Variants in MICU1 observed in about 807,000 individuals in gnomAD.
MICU1 encodes the protein calcium uptake protein 1, mitochondrial.
In MICU1, 45 loss-of-function variants were observed where a neutral mutation model predicts 56.8. The ratio of observed to expected loss-of-function variants is 0.79; its 90% CI spans 0.62 to 1.02. The LOEUF (loss-of-function observed/expected upper bound fraction) is 1.02. Among genes scored for constraint, MICU1 ranks in the 50% least tolerant of loss-of-function variants. The pLI is 0.00. For missense variants in MICU1, 504 were observed against 587.1 expected, an observed-to-expected ratio of 0.86 and a Z score of 1.46; for synonymous variants, 186 against 195.1, an observed-to-expected ratio of 0.95 and a Z score of 0.39.
At chr10:72,497,213 C>A (rs1291786837) in intron 6 of MICU1, among the ~76,000 whole-genome samples, 1 of 151,786 alleles carries the variant, frequency 6.6e-6, no homozygotes, top group Non-Finnish European at 1.5e-5. Flanking sequence ...GCACATGCCA[C>A]TGCATCCGGC....
chr10:72,412,380 C>G (rs1344343852), intron 9 of MICU1, among the ~76,000 whole-genome samples: 1 of 152,192 alleles, frequency 6.6e-6, no homozygotes, highest in Non-Finnish European at 1.5e-5. Flanking sequence ...GTTCAACAAA[C>G]TGGTTATCTA....
chr10:72,553,101 A>G (rs1337628281), intron 3 of MICU1, among the ~76,000 whole-genome samples: 1 of 152,234 alleles, frequency 6.6e-6, no homozygotes, highest in East Asian at 1.9e-4. Flanking sequence ...AAGATTGAGC[A>G]TGTGGCAAAC....
intron 10 of MICU1, among the ~76,000 whole-genome samples, chr10:72,380,895 T>C (rs1862680893): frequency 2.0e-5 from 3 of 152,200 alleles, no homozygotes; most frequent in South Asian, 2.1e-4. Flanking sequence ...GAATGAATAA[T>C]TGAATAACTG....
intron 7 of MICU1, 135 bp from the exon 8 acceptor site, chr10:72,475,432 C>CG: frequency 1.3e-6 from 1 of 762,024 alleles, no homozygotes; most frequent in Non-Finnish European, 1.9e-6. Context: ...ATGCTTACAA[C>CG]AATTTTTTTT....
chr10:72,469,162 A>G (rs1865879362), intron 8 of MICU1, among the ~76,000 whole-genome samples: 1 of 152,244 alleles, frequency 6.6e-6, no homozygotes, highest in Admixed American at 6.5e-5. Context: ...TAGGTACTCA[A>G]TAAATGATCA....
At chr10:72,516,348 G>A (rs1014126636) in intron 5 of MICU1, among the ~76,000 whole-genome samples, 1 of 152,044 alleles carries the variant, frequency 6.6e-6, no homozygotes, top group Non-Finnish European at 1.5e-5. Flanking sequence ...TTTGTCAGAT[G>A]GATACATTGC....
intron 10 of MICU1, among the ~76,000 whole-genome samples, chr10:72,389,718 C>T (rs1048634858): frequency 1.3e-5 from 2 of 152,174 alleles, no homozygotes; most frequent in Non-Finnish European, 2.9e-5. Context: ...AGGTGCTTTA[C>T]AGTGGAGCTT....
intron 1 of MICU1, among the ~76,000 whole-genome samples, chr10:72,597,993 T>G (rs889758939): frequency 3.9e-5 from 6 of 152,208 alleles, no homozygotes; most frequent in African/African-American, 1.4e-4. Flanking sequence ...TCTGTAGTTA[T>G]GTACCAATCT....
chr10:72,471,904 A>C (rs1309046774), intron 8 of MICU1, among the ~76,000 whole-genome samples: 1 of 148,080 alleles, frequency 6.8e-6, no homozygotes, highest in Non-Finnish European at 1.5e-5. Flanking sequence ...AAGAATGCAA[A>C]CTTCACAAAG....
At chr10:72,502,572 A>T (rs778324030) in intron 6 of MICU1, among the ~76,000 whole-genome samples, 10 of 152,204 alleles carry the variant, frequency 6.6e-5, no homozygotes, top group Admixed American at 1.3e-4. Context: ...TATCCATCAG[A>T]GTAACAGATG....
intron 1 of MICU1, among the ~76,000 whole-genome samples, chr10:72,575,069 TCTCA>T (rs1407412862): frequency 1.3e-5 from 2 of 152,242 alleles, no homozygotes; most frequent in Non-Finnish European, 2.9e-5. Flanking sequence ...TTTCTCTCTC[TCTCA>T]ATTTTTACGG....
chr10:72,477,972 G>A (rs984631521), intron 6 of MICU1, among the ~76,000 whole-genome samples: 21 of 151,826 alleles, frequency 1.4e-4, no homozygotes, highest in African/African-American at 5.1e-4. Context: ...GGGTTGAAGT[G>A]ATGCTCATGC....
intron 6 of MICU1, among the ~76,000 whole-genome samples, chr10:72,506,705 T>C (rs1564908527): frequency 6.6e-6 from 1 of 152,230 alleles, no homozygotes; most frequent in Non-Finnish European, 1.5e-5. Flanking sequence ...GGGTTTGATA[T>C]TACTGCCCCC....
intron 1 of MICU1, among the ~76,000 whole-genome samples, chr10:72,578,354 T>G (rs1176084075): frequency 6.6e-6 from 1 of 151,720 alleles, no homozygotes; most frequent in East Asian, 1.9e-4. Flanking sequence ...GCCTCTGGGG[T>G]TCAAGTGATT....
chr10:72,551,063 C>G, intron 4 of MICU1, 116 bp downstream of exon 4: 1 of 999,584 alleles, frequency 1.0e-6, no homozygotes, highest in Non-Finnish European at 1.4e-6. Flanking sequence ...TCAATAGACA[C>G]ACTGTTCATA....
intron 9 of MICU1, among the ~76,000 whole-genome samples, chr10:72,421,703 A>G (rs1864180690): frequency 6.6e-6 from 1 of 152,128 alleles, no homozygotes; most frequent in Non-Finnish European, 1.5e-5. Flanking sequence ...CTCATCTCCT[A>G]AATTCTAATA....
intron 10 of MICU1, among the ~76,000 whole-genome samples, chr10:72,377,124 TTC>T (rs1385305044): frequency 1.8e-5 from 2 of 109,136 alleles, no homozygotes; most frequent in African/African-American, 5.8e-5. Context: ...ATGCGTATCT[TTC>T]TTTTTTTTTT....
At chr10:72,506,868 T>C (rs986888331) in intron 6 of MICU1, among the ~76,000 whole-genome samples, 8 of 152,186 alleles carry the variant, frequency 5.3e-5, no homozygotes, top group Non-Finnish European at 1.0e-4. Flanking sequence ...TGGATTTTCA[T>C]AACAAATCAA....
chr10:72,555,611 A>T (rs999912717), intron 3 of MICU1, among the ~76,000 whole-genome samples: 1 of 152,214 alleles, frequency 6.6e-6, no homozygotes, highest in African/African-American at 2.4e-5. Context: ...TTGCTCTTTG[A>T]ATGACACCAC....
Sources: allele counts gnomAD v4.1 joint callset (sites outside exome capture counted in the v4.1 genomes callset), GRCh38; gene constraint gnomAD v4.1.1; transcripts MANE v1.5; gene names NCBI Gene and HGNC (gene_info 2026-07-23, HGNC 2026-07-21).